Variants in TASP1 observed in about 807,000 individuals in gnomAD.
The protein encoded by TASP1 is taspase 1.
TASP1 carries 16 observed loss-of-function variants against 56.6 expected under a neutral mutation model. The ratio of observed to expected loss-of-function variants is 0.28; its 90% CI spans 0.19 to 0.43. TASP1 has a LOEUF of 0.43. TASP1 is among the 20% of genes least tolerant of loss of function. The pLI, the probability that TASP1 is intolerant of heterozygous loss-of-function variation, is 1.00. For missense variants in TASP1, 393 were observed against 511.6 expected (o/e 0.77, Z 2.24); for synonymous variants, 179 against 184.2 (o/e 0.97, Z 0.23).
At chr20:13,233,987 A>C in the TASP1 span, among the ~76,000 whole-genome samples, 1 of 152,138 alleles carries the variant, frequency 6.6e-6, no homozygotes, top group Non-Finnish European at 1.5e-5. Context: ...ACTTATATAT[A>C]TTTTGGGGGT....
chr20:13,178,327 A>G, the TASP1 span, among the ~76,000 whole-genome samples: 1 of 152,216 alleles, frequency 6.6e-6, no homozygotes, highest in South Asian at 2.1e-4. Context: ...TGGTACAGCC[A>G]CTATGAACAA....
At chr20:13,621,745 TG>T (rs1462520249) in intron 4 of TASP1, among the ~76,000 whole-genome samples, 1 of 152,264 alleles carries the variant, frequency 6.6e-6, no homozygotes, top group African/African-American at 2.4e-5. Context: ...ATAGTAAACA[TG>T]ATATATAAGT....
intron 11 of TASP1, among the ~76,000 whole-genome samples, chr20:13,469,527 A>C (rs147411125): frequency 6.6e-6 from 1 of 152,168 alleles, no homozygotes; most frequent in Non-Finnish European, 1.5e-5. Flanking sequence ...TGCAGTAATA[A>C]AATTTTTTTC....
chr20:13,359,045 A>T, the TASP1 span, among the ~76,000 whole-genome samples: 1 of 149,214 alleles, frequency 6.7e-6, no homozygotes, highest in East Asian at 2.0e-4. Context: ...CCGCTTTCCT[A>T]GGGGGCAAGA....
At chr20:13,468,739 T>C (rs2044357373) in intron 11 of TASP1, among the ~76,000 whole-genome samples, 1 of 152,142 alleles carries the variant, frequency 6.6e-6, no homozygotes, top group African/African-American at 2.4e-5. Context: ...TATTAGTGGT[T>C]TTCCCCACAT....
the TASP1 span, chr20:13,279,968 C>A: frequency 7.0e-7 from 1 of 1,421,294 alleles, no homozygotes; most frequent in Non-Finnish European, 9.6e-7. Context: ...GGACATGGAG[C>A]CAAGCAAAAC....
the TASP1 span, among the ~76,000 whole-genome samples, chr20:13,336,877 T>TG: frequency 1.7e-3 from 256 of 152,268 alleles, no homozygotes; most frequent in African/African-American, 5.4e-3. Context: ...GCCTCCCAGT[T>TG]GGGGGATTCC....
chr20:13,292,362 G>T, the TASP1 span: 1 of 1,565,254 alleles, frequency 6.4e-7, no homozygotes, highest in African/African-American at 1.3e-5. Context: ...ATGAGCTCTT[G>T]TCTGTGTTTA....
intron 7 of TASP1, among the ~76,000 whole-genome samples, chr20:13,564,380 AG>A (rs2046444111): frequency 6.6e-6 from 1 of 152,194 alleles, no homozygotes; most frequent in South Asian, 2.1e-4. Flanking sequence ...ACTAAAATCA[AG>A]GAGGCAAAAT....
the TASP1 span, among the ~76,000 whole-genome samples, chr20:13,157,596 G>A: frequency 6.6e-6 from 1 of 151,904 alleles, no homozygotes. Flanking sequence ...TCTCATTAAA[G>A]CAACACAGAG....
At chr20:13,121,725 AG>A in the TASP1 span, among the ~76,000 whole-genome samples, 4 of 152,174 alleles carry the variant, frequency 2.6e-5, no homozygotes, top group African/African-American at 9.7e-5. Context: ...GACACTCTCC[AG>A]AAGTTACTCA....
chr20:13,148,504 A>G, the TASP1 span, among the ~76,000 whole-genome samples: 1 of 152,188 alleles, frequency 6.6e-6, no homozygotes, highest in Non-Finnish European at 1.5e-5. Flanking sequence ...CACCCCCACG[A>G]AAAGGTATCT....
intron 10 of TASP1, among the ~76,000 whole-genome samples, chr20:13,499,106 T>C (rs543610255): frequency 6.6e-5 from 10 of 152,264 alleles, no homozygotes; most frequent in East Asian, 1.9e-4. Context: ...GTGGTACATA[T>C]ACGCCCTGGA....
At chr20:13,207,435 GAC>G in the TASP1 span, among the ~76,000 whole-genome samples, 2 of 152,192 alleles carry the variant, frequency 1.3e-5, no homozygotes, top group African/African-American at 4.8e-5. Flanking sequence ...GACATAGACA[GAC>G]ACAGTCACAG....
At chr20:13,295,091 C>T in the TASP1 span, among the ~76,000 whole-genome samples, 1 of 152,302 alleles carries the variant, frequency 6.6e-6, no homozygotes, top group East Asian at 1.9e-4. Flanking sequence ...ACCCACACCA[C>T]CACCAGCCTC....
At chr20:13,199,945 C>T in the TASP1 span, among the ~76,000 whole-genome samples, 2 of 152,196 alleles carry the variant, frequency 1.3e-5, no homozygotes, top group African/African-American at 4.8e-5. Context: ...CTTTATCTAG[C>T]AGTTAACAAA....
intron 5 of TASP1, among the ~76,000 whole-genome samples, chr20:13,586,509 C>T (rs952246361): frequency 1.1e-4 from 16 of 151,944 alleles, no homozygotes; most frequent in African/African-American, 3.6e-4. Flanking sequence ...GGGAAGAGAG[C>T]ACAAGAAGTA....
intron 4 of TASP1, chr20:13,617,123 C>A (rs1210870205): frequency 2.2e-6 from 1 of 448,270 alleles, no homozygotes; most frequent in Non-Finnish European, 4.5e-6. Flanking sequence ...TGTGTGTACA[C>A]CTCAAAAAAT....
chr20:13,209,478 C>A, the TASP1 span, among the ~76,000 whole-genome samples: 6 of 152,030 alleles, frequency 3.9e-5, no homozygotes, highest in Non-Finnish European at 2.9e-5. Context: ...TTAAAGAATT[C>A]TTTTATGAAT....
Sources: gnomAD v4.1 joint callset for allele counts (sites outside exome capture counted in the v4.1 genomes callset) on GRCh38, gnomAD v4.1.1 for gene constraint, MANE v1.5 for transcripts, NCBI Gene and HGNC (gene_info 2026-07-23, HGNC 2026-07-21) for gene names.